Variants in ANKRD36 observed in about 807,000 individuals in gnomAD.
The protein encoded by ANKRD36 is ankyrin repeat domain-containing protein 36A.
Under a neutral mutation model 278.1 loss-of-function variants are expected in ANKRD36, and 179 were observed. The ratio of observed to expected loss-of-function variants is 0.64; its 90% CI spans 0.57 to 0.73. The LOEUF (loss-of-function observed/expected upper bound fraction) is 0.73. ANKRD36 is among the 30% of genes least tolerant of loss of function. The pLI is 0.00. For missense variants in ANKRD36, 1,159 were observed against 1,956.7 expected (o/e 0.59, Z 7.69); for synonymous variants, 320 against 641.1 (o/e 0.50, Z 7.57).
chr2:97,194,615 C>A lies in ANKRD36; in HGVS notation c.2450-111C>A. 5 of 1,567,774 alleles carry A rather than the reference C, an allele frequency of 3.2e-6. No homozygotes were observed. In the South Asian group the frequency reaches 4.6e-5, roughly 14 times the overall value. ...AGACAGAAAGTAGAAGCCATCAAAGCGTACACTAATACAGGCAGGAGGACA... is the reference window on the plus strand; with the variant it reads ...AGACAGAAAGTAGAAGCCATCAAAGAGTACACTAATACAGGCAGGAGGACA... On this transcript the variant is annotated intron_variant, in intron 38 of 75. Coordinates refer to ENST00000420699, the MANE Select transcript of ANKRD36 (RefSeq NM_001354587.1).
intron 48 of ANKRD36, among the ~76,000 whole-genome samples, chr2:97,202,970 A>G (rs2061811280): frequency 6.6e-6 from 1 of 151,802 alleles, no homozygotes; most frequent in Non-Finnish European, 1.5e-5. Flanking sequence ...AAAATACTTG[A>G]TTTTGGCTGC....
At chr2:97,196,007 C>T (rs1409586613) in intron 40 of ANKRD36, among the ~76,000 whole-genome samples, 1 of 151,954 alleles carries the variant, frequency 6.6e-6, no homozygotes, top group Non-Finnish European at 1.5e-5. Flanking sequence ...TATTACACTA[C>T]ATGGGTGTGA....
chr2:97,132,117 G>A (rs553605571), intron 6 of ANKRD36, among the ~76,000 whole-genome samples: 42 of 151,038 alleles, frequency 2.8e-4, no homozygotes, highest in Non-Finnish European at 4.6e-4. Context: ...GTGAGCCACC[G>A]CCCCCAGCCT....
At chr2:97,213,101 A>T (rs1196391183) in intron 58 of ANKRD36, 1 of 422,696 alleles carries the variant, frequency 2.4e-6, no homozygotes, top group Non-Finnish European at 4.2e-6. Context: ...CAATTGTATG[A>T]GTTGCTCCTC....
rs1401661179 is a variant in ANKRD36, at chr2:97,200,439, C to G, written c.2785-14C>G. ...ACATACCTTATTTATTACTTTGTTT[C>G]AAATTCCATTCAGGCCACAAGTGAT... On this transcript the variant is annotated splice_polypyrimidine_tract_variant and intron_variant, in intron 45 of 75. Coordinates refer to ENST00000420699, the MANE Select transcript of ANKRD36 (RefSeq NM_001354587.1). 1.3e-6 allele frequency: 2 copies of G among 1,597,958 alleles called. No homozygotes were observed. Among genetic ancestry groups the G allele is most frequent in the South Asian group, 2.2e-5 (2 of 89,428 alleles).
intron 58 of ANKRD36, 124 bp downstream of exon 58, chr2:97,211,865 T>A: frequency 2.4e-6 from 3 of 1,257,054 alleles, no homozygotes; most frequent in Non-Finnish European, 3.3e-6. Context: ...CTGAGATTAT[T>A]CATTTGTAAT....
chr2:97,203,970 A>C, intron 48 of ANKRD36, 98 bp from the exon 49 acceptor site: 1 of 1,501,512 alleles, frequency 6.7e-7, no homozygotes, highest in South Asian at 1.2e-5. Flanking sequence ...ACGCTAATAC[A>C]GGCAGGAGGA....
chr2:97,227,629 C>T lies in ANKRD36; in HGVS notation c.3951+2750C>T, dbSNP rs532489366. On this transcript the variant is annotated intron_variant, in intron 67 of 75. Coordinates refer to ENST00000420699, the MANE Select transcript of ANKRD36 (RefSeq NM_001354587.1). ...GAATACCCTTTATTTCCTTCTCCTG[C>T]CTAATGGCCCTAACCAGAACTTCCA... 1.4e-3 allele frequency among the ~76,000 whole-genome samples: 214 copies of T among 152,208 alleles called. 2 individuals carry two copies. The highest frequency in any genetic ancestry group is 3.4e-3 in the Middle Eastern group (1 of 294).
At chr2:97,182,837 G>T (rs1371149923) in intron 26 of ANKRD36, among the ~76,000 whole-genome samples, 3 of 151,530 alleles carry the variant, frequency 2.0e-5, no homozygotes, top group Non-Finnish European at 4.4e-5. Flanking sequence ...CTAAACTAGA[G>T]GACACAACAA....
chr2:97,235,016 AT>A (rs2073297361), intron 68 of ANKRD36, among the ~76,000 whole-genome samples: 1 of 137,520 alleles, frequency 7.3e-6, no homozygotes, highest in East Asian at 2.5e-4. Context: ...GATTTTAATC[AT>A]AATGAAATCC....
At chr2:97,179,651 G>T (rs2055527344) in intron 22 of ANKRD36, 87 bp from the exon 23 acceptor site, 1 of 1,555,060 alleles carries the variant, frequency 6.4e-7, no homozygotes, top group East Asian at 2.3e-5. Flanking sequence ...TACAAAACTT[G>T]ATGCTAACAT....
At chr2:97,145,130 A>G (rs907377441) in intron 10 of ANKRD36, among the ~76,000 whole-genome samples, 12 of 152,042 alleles carry the variant, frequency 7.9e-5, no homozygotes, top group Non-Finnish European at 1.6e-4. Context: ...AATGAGAAGT[A>G]ACAAGACCAC....
chr2:97,202,841 A>G (rs938866337), intron 48 of ANKRD36, among the ~76,000 whole-genome samples: 6 of 151,842 alleles, frequency 4.0e-5, no homozygotes, highest in African/African-American at 1.4e-4. Flanking sequence ...ATTTTGCCAA[A>G]GAAGACGGAT....
At chr2:97,260,542 T>C (rs969427108) in intron 75 of ANKRD36, among the ~76,000 whole-genome samples, 1 of 123,132 alleles carries the variant, frequency 8.1e-6, no homozygotes, top group African/African-American at 3.0e-5. Context: ...GTTTCATTTA[T>C]AGAGTATAGG....
intron 22 of ANKRD36, among the ~76,000 whole-genome samples, chr2:97,172,239 C>T (rs1477328557): frequency 6.6e-6 from 1 of 151,784 alleles, no homozygotes; most frequent in African/African-American, 2.4e-5. Flanking sequence ...TAGAAAAGTT[C>T]AGGCAGTGCA....
chr2:97,113,828 C>T lies in ANKRD36; in HGVS notation c.89C>T (p.Pro30Leu), dbSNP rs760698118. The change falls in exon 1 of 76, where the codon CCG becomes CTG. Residue 30 changes from proline to leucine, a missense_variant. Physicochemically the swap from Pro to Leu is moderately conservative, Grantham distance 98. Coordinates refer to ENST00000420699, the MANE Select transcript of ANKRD36 (RefSeq NM_001354587.1). ...GFAFPQYPIK[P>L]YHLKRIHRAV... ...GCATTTCCCCAATACCCCATTAAAC[C>T]GTATCATCTGAAGAGGATCCACAGA... 56 of 1,612,994 alleles carry T rather than the reference C, an allele frequency of 3.5e-5. 3 individuals are homozygous for T. In the Admixed American group the frequency reaches 9.0e-4, roughly 26 times the overall value.
intron 40 of ANKRD36, 41 bp downstream of exon 40, chr2:97,194,958 A>G (rs752999030): frequency 7.8e-6 from 12 of 1,538,188 alleles, no homozygotes; most frequent in Non-Finnish European, 9.6e-6. Flanking sequence ...TTCAGTCCAG[A>G]CAAGAAGTTC....
intron 52 of ANKRD36, among the ~76,000 whole-genome samples, chr2:97,207,175 C>T (rs778013220): frequency 2.2e-4 from 34 of 151,344 alleles, no homozygotes; most frequent in Non-Finnish European, 3.7e-4. Context: ...AAGAAACTTT[C>T]GGAAGGCTAA....
chr2:97,137,868 C>CT (rs2153441353), intron 6 of ANKRD36, among the ~76,000 whole-genome samples: 1 of 152,114 alleles, frequency 6.6e-6, no homozygotes, highest in South Asian at 2.1e-4. Context: ...TGATGATGAG[C>CT]TTTTTTTCAG....
Sources: gnomAD v4.1 joint callset for allele counts (sites outside exome capture counted in the v4.1 genomes callset) on GRCh38, gnomAD v4.1.1 for gene constraint, MANE v1.5 for transcripts, NCBI Gene and HGNC (gene_info 2026-07-23, HGNC 2026-07-21) for gene names.